LMX1B: variants seen among roughly 807,000 people sequenced by gnomAD.
LMX1B encodes the protein LIM homeobox transcription factor 1 beta.
Under a neutral mutation model 51.4 loss-of-function variants are expected in LMX1B, and 12 were observed. That is an observed-to-expected ratio of 0.23 (90% CI 0.15 to 0.38). The LOEUF is 0.38. LMX1B is among the 10% of genes least tolerant of loss of function. LMX1B has a pLI of 1.00. For missense variants in LMX1B, 445 were observed against 571.1 expected, an observed-to-expected ratio of 0.78 and a Z score of 2.25; for synonymous variants, 237 against 235.4, an observed-to-expected ratio of 1.01 and a Z score of -0.06.
intron 2 of LMX1B, among the ~76,000 whole-genome samples, chr9:126,624,605 C>T (rs1008979471): frequency 2.0e-5 from 3 of 152,134 alleles, no homozygotes; most frequent in African/African-American, 7.2e-5. Flanking sequence ...GGGCCGACCC[C>T]AGCCCCCTCC....
chr9:126,645,369 G>A (rs1835879848), intron 2 of LMX1B, among the ~76,000 whole-genome samples: 1 of 152,236 alleles, frequency 6.6e-6, no homozygotes, highest in South Asian at 2.1e-4. Flanking sequence ...TCAGTCTTGT[G>A]AGGGAGACAT....
intron 2 of LMX1B, among the ~76,000 whole-genome samples, chr9:126,674,401 C>T (rs562444953): frequency 6.6e-6 from 1 of 152,242 alleles, no homozygotes; most frequent in East Asian, 1.9e-4. Flanking sequence ...GGGGGGCATT[C>T]AGGAACACCA....
At chr9:126,652,600 T>G (rs1346201700) in intron 2 of LMX1B, among the ~76,000 whole-genome samples, 1 of 152,256 alleles carries the variant, frequency 6.6e-6, no homozygotes, top group Non-Finnish European at 1.5e-5. Flanking sequence ...TGCTCCCACC[T>G]GTGCGTGACT....
intron 2 of LMX1B, among the ~76,000 whole-genome samples, chr9:126,678,209 C>G (rs1836602752): frequency 6.6e-6 from 1 of 151,282 alleles, no homozygotes; most frequent in Admixed American, 6.6e-5. Context: ...ACTCGGGAGG[C>G]TAAGACAGGA....
At chr9:126,655,530 G>T (rs12551234) in intron 2 of LMX1B, among the ~76,000 whole-genome samples, 4 of 151,926 alleles carry the variant, frequency 2.6e-5, no homozygotes, top group African/African-American at 4.8e-5. Context: ...CCCTCCACGT[G>T]GTAAGCAGCA....
chr9:126,657,352 T>G (rs1029167483), intron 2 of LMX1B, among the ~76,000 whole-genome samples: 1 of 152,250 alleles, frequency 6.6e-6, no homozygotes, highest in Non-Finnish European at 1.5e-5. Context: ...GTATCTGATA[T>G]GACGCACAAA....
intron 2 of LMX1B, among the ~76,000 whole-genome samples, chr9:126,689,418 A>T (rs565502408): frequency 1.3e-4 from 20 of 152,236 alleles, no homozygotes; most frequent in African/African-American, 4.6e-4. Context: ...GGTGGGCCAT[A>T]AAGAGGGATG....
intron 2 of LMX1B, among the ~76,000 whole-genome samples, chr9:126,667,829 C>T (rs1836371921): frequency 3.3e-5 from 5 of 152,180 alleles, no homozygotes; most frequent in African/African-American, 4.8e-5. Context: ...AGTTGTCCAG[C>T]CCCTGGCACA....
At chr9:126,667,900 C>G (rs542206354) in intron 2 of LMX1B, among the ~76,000 whole-genome samples, 1 of 152,150 alleles carries the variant, frequency 6.6e-6, no homozygotes, top group Non-Finnish European at 1.5e-5. Context: ...AATCAATGAA[C>G]GAGACACTCG....
intron 2 of LMX1B, among the ~76,000 whole-genome samples, chr9:126,650,048 C>T (rs527318379): frequency 6.6e-6 from 1 of 152,328 alleles, no homozygotes; most frequent in East Asian, 1.9e-4. Flanking sequence ...TTCCCCTTCT[C>T]AGCTTGGTGA....
chr9:126,696,539 T>C lies in LMX1B; in HGVS notation c.*88T>C. 6.7e-7 allele frequency: 1 copy of C among 1,492,714 alleles called. No individual in the cohort carries two copies. Among genetic ancestry groups the C allele is most frequent in the Non-Finnish European group, 9.3e-7 (1 of 1,075,524 alleles). 92.5% of individuals were successfully genotyped at this position (1,492,714 alleles called of 1,614,324 possible). A position where few individuals can be genotyped will look rare whatever the true frequency, so the allele number is the denominator to read the frequency against. Reference sequence around the variant, plus strand: ...CAGCCTGGCCACCCCCGCCCTGCTCTCCGCACAGACTACAGACAGCCATAC... The same window carrying C: ...CAGCCTGGCCACCCCCGCCCTGCTCCCCGCACAGACTACAGACAGCCATAC... On this transcript the variant is annotated 3_prime_UTR_variant, in exon 8 of 8. Transcript: ENST00000373474.
chr9:126,691,142 C>G, intron 3 of LMX1B, 74 bp downstream of exon 3: 1 of 1,147,622 alleles, frequency 8.7e-7, no homozygotes, highest in Non-Finnish European at 1.3e-6. Context: ...GGAGTCCCGG[C>G]TGGAGAAGCC....
At position 126,696,016 on chromosome 9, in the gene LMX1B, A is replaced by ACGGGGGGGCC; in HGVS notation, c.1051+14_1051+15insGGGGGGGCCC. On this transcript the variant is annotated intron_variant, in intron 7 of 7. Transcript: ENST00000373474. ...ATGAACCCCTATGGTAAGCCGCCCTACCCCCACCCGCCCGCCCCAGCACAG... is the reference window on the plus strand; with the variant it reads ...ATGAACCCCTATGGTAAGCCGCCCTACGGGGGGGCCCCCCCACCCGCCCGCCCCAGCACAG... 6.6e-7 allele frequency: 1 copy of ACGGGGGGGCC among 1,512,700 alleles called. No homozygotes were observed. The highest frequency in any genetic ancestry group is 8.8e-7 in the Non-Finnish European group (1 of 1,131,794). The allele number at this position is 1,512,700 out of a possible 1,614,324, so 93.7% of individuals were successfully genotyped here.
intron 2 of LMX1B, among the ~76,000 whole-genome samples, chr9:126,663,724 G>A (rs2118928298): frequency 1.3e-5 from 2 of 152,346 alleles, no homozygotes; most frequent in South Asian, 4.1e-4. Flanking sequence ...TGGATCGCTT[G>A]CCAGGCAGTG....
chr9:126,643,732 G>A (rs1029620128), intron 2 of LMX1B, among the ~76,000 whole-genome samples: 2 of 152,210 alleles, frequency 1.3e-5, no homozygotes, highest in African/African-American at 4.8e-5. Context: ...GGGTGTGTCC[G>A]TGGACTCCCT....
Position 126,695,728 on chromosome 9 carries a change from G to A in LMX1B, c.887-111G>A. 2 of 1,260,372 alleles carry A rather than the reference G, an allele frequency of 1.6e-6. No individual in the cohort carries two copies. The highest frequency in any genetic ancestry group is 2.3e-6 in the Non-Finnish European group (2 of 883,724). The allele number at this position is 1,260,372 out of a possible 1,614,324, so 78.1% of individuals were successfully genotyped here. On this transcript the variant is annotated intron_variant, in intron 6 of 7. Coordinates refer to ENST00000373474, the MANE Select transcript of LMX1B (RefSeq NM_001174147.2). The surrounding 1 kb of genome is among the most constrained non-coding windows in gnomAD (Gnocchi z 5.2). ...GGGAGTCAGTGTCTGGACAGCTTCAGCCAGAGTGGGGTGCCTGGGGAGTCC... is the reference window on the plus strand; with the variant it reads ...GGGAGTCAGTGTCTGGACAGCTTCAACCAGAGTGGGGTGCCTGGGGAGTCC...
Position 126,618,989 on chromosome 9 carries a change from C to T in LMX1B, c.326+3420C>T, listed in dbSNP as rs573720580. ...CGGGGCCGCGGCGTCCTTCCGCCCGCAGGGCCTGCCCGGGCGGCCGAGCCT... is the reference window on the plus strand; with the variant it reads ...CGGGGCCGCGGCGTCCTTCCGCCCGTAGGGCCTGCCCGGGCGGCCGAGCCT... On this transcript the variant is annotated intron_variant, in intron 2 of 7. Transcript: ENST00000373474. The surrounding 1 kb of genome is among the most constrained non-coding windows in gnomAD (Gnocchi z 4.5). Among the ~76,000 whole-genome samples the T allele has an allele frequency of 6.6e-6, 1 of 152,130 alleles. No individual in the cohort carries two copies. Among genetic ancestry groups the T allele is most frequent in the Non-Finnish European group, 1.5e-5 (1 of 67,972 alleles).
Position 126,693,511 on chromosome 9 carries a change from C to T in LMX1B, c.742-13C>T. 6.2e-7 allele frequency: 1 copy of T among 1,613,740 alleles called. No homozygotes were observed. Among genetic ancestry groups the T allele is most frequent in the South Asian group, 1.1e-5 (1 of 91,056 alleles). On this transcript the variant is annotated splice_polypyrimidine_tract_variant and intron_variant, in intron 4 of 7. Transcript: ENST00000373474. ...CCTGGAGGGCCTGACCTGTTCCCCT[C>T]TCTCTGAGCCAGGTCCGAGAGACAC...
At chr9:126,647,083 G>A (rs763722189) in intron 2 of LMX1B, among the ~76,000 whole-genome samples, 1 of 152,126 alleles carries the variant, frequency 6.6e-6, no homozygotes, top group Non-Finnish European at 1.5e-5. Flanking sequence ...GTGCACACCT[G>A]TTCCCAGCCA....
Sources: gnomAD v4.1 joint callset for allele counts (sites outside exome capture counted in the v4.1 genomes callset) on GRCh38, gnomAD v4.1.1 for gene constraint, Gnocchi (gnomAD v3.1) non-coding constraint, MANE v1.5 for transcripts, NCBI Gene and HGNC (gene_info 2026-07-23, HGNC 2026-07-21) for gene names.